Variants in HS6ST3 observed in about 807,000 individuals in gnomAD.
HS6ST3 encodes heparan sulfate 6-O-sulfotransferase 3.
HS6ST3 carries 12 observed loss-of-function variants against 36.7 expected under a neutral mutation model. That is an observed-to-expected ratio of 0.33 (90% CI 0.21 to 0.53). HS6ST3 has a LOEUF of 0.53. Among genes scored for constraint, HS6ST3 ranks in the 20% least tolerant of loss-of-function variants. The pLI is 0.95. For synonymous variants in HS6ST3, 240 were observed against 257.5 expected (o/e 0.93, Z 0.65); for missense variants, 584 against 640.9 (o/e 0.91, Z 0.96).
At chr13:96,211,128 C>T (rs2054397015) in intron 1 of HS6ST3, among the ~76,000 whole-genome samples, 1 of 152,156 alleles carries the variant, frequency 6.6e-6, no homozygotes, top group Admixed American at 6.6e-5. Flanking sequence ...GACGGGGTTT[C>T]ACCATGTTGG....
intron 1 of HS6ST3, among the ~76,000 whole-genome samples, chr13:96,351,320 CTTTT>C (rs11348541): frequency 0.36 from 50,861 of 142,928 alleles, 9,350 homozygotes; most frequent in African/African-American, 0.44. Context: ...AGGTGGCAGT[CTTTT>C]TTTTTTTTTT....
At chr13:96,643,815 G>T (rs2056578801) in intron 1 of HS6ST3, among the ~76,000 whole-genome samples, 1 of 151,832 alleles carries the variant, frequency 6.6e-6, no homozygotes, top group Non-Finnish European at 1.5e-5. Context: ...TTATGATTGT[G>T]GCCTGTTGGT....
chr13:96,739,210 G>A (rs1876369498), intron 1 of HS6ST3, among the ~76,000 whole-genome samples: 1 of 141,628 alleles, frequency 7.1e-6, no homozygotes, highest in African/African-American at 2.6e-5. Flanking sequence ...GTTCTCTATC[G>A]ACATTTGCTT....
At chr13:96,254,385 G>T (rs572607645) in intron 1 of HS6ST3, among the ~76,000 whole-genome samples, 133 of 122,758 alleles carry the variant, frequency 1.1e-3, no homozygotes, top group African/African-American at 4.0e-3. Flanking sequence ...CTGCACTCCA[G>T]CCTGGGCGAT....
At chr13:96,654,479 T>C (rs1190462641) in intron 1 of HS6ST3, among the ~76,000 whole-genome samples, 1 of 152,192 alleles carries the variant, frequency 6.6e-6, no homozygotes, top group Non-Finnish European at 1.5e-5. Flanking sequence ...CTTTCCCCAT[T>C]GCTTGTTTTT....
intron 1 of HS6ST3, among the ~76,000 whole-genome samples, chr13:96,694,483 A>G (rs187655154): frequency 6.6e-6 from 1 of 152,298 alleles, no homozygotes; most frequent in East Asian, 1.9e-4. Context: ...ATATGAATGC[A>G]TGTGTCTTTA....
At chr13:96,116,162 G>A (rs557252922) in intron 1 of HS6ST3, among the ~76,000 whole-genome samples, 33 of 152,254 alleles carry the variant, frequency 2.2e-4, no homozygotes, top group African/African-American at 7.2e-4. Context: ...GTCAGCTTCC[G>A]GGAACTCGGC....
intron 1 of HS6ST3, among the ~76,000 whole-genome samples, chr13:96,673,961 T>C (rs979410883): frequency 6.6e-6 from 1 of 152,170 alleles, no homozygotes; most frequent in Non-Finnish European, 1.5e-5. Context: ...AATGTCTGGA[T>C]ATTTGCTTAT....
chr13:96,552,094 T>C (rs2056221636), intron 1 of HS6ST3, among the ~76,000 whole-genome samples: 1 of 152,196 alleles, frequency 6.6e-6, no homozygotes, highest in South Asian at 2.1e-4. Context: ...GTTTATTGCA[T>C]GCATTAAAAA....
intron 1 of HS6ST3, among the ~76,000 whole-genome samples, chr13:96,176,650 C>A (rs2054213882): frequency 6.6e-6 from 1 of 152,080 alleles, no homozygotes; most frequent in South Asian, 2.1e-4. Flanking sequence ...AGGTGGCAAT[C>A]CACAAAATCC....
intron 1 of HS6ST3, among the ~76,000 whole-genome samples, chr13:96,541,003 A>C (rs564940772): frequency 5.9e-5 from 9 of 152,278 alleles, no homozygotes; most frequent in African/African-American, 2.2e-4. Context: ...GCTGGGAAGG[A>C]TACTAGAGGC....
At chr13:96,391,153 T>C (rs1242861392) in intron 1 of HS6ST3, among the ~76,000 whole-genome samples, 1 of 152,222 alleles carries the variant, frequency 6.6e-6, no homozygotes, top group Non-Finnish European at 1.5e-5. Flanking sequence ...ATCTTCAAGA[T>C]GCACTTCATT....
intron 1 of HS6ST3, among the ~76,000 whole-genome samples, chr13:96,133,595 G>A (rs1176796251): frequency 6.6e-6 from 1 of 151,662 alleles, no homozygotes; most frequent in Non-Finnish European, 1.5e-5. Flanking sequence ...GCTGATTTTT[G>A]TATTTTTAGT....
chr13:96,292,612 A>AGAGT (rs1391012923), intron 1 of HS6ST3, among the ~76,000 whole-genome samples: 1 of 95,826 alleles, frequency 1.0e-5, no homozygotes, highest in African/African-American at 5.5e-5. Context: ...AGCTAAATAA[A>AGAGT]CAGTAGGTTG....
At chr13:96,486,044 G>T (rs1361597276) in intron 1 of HS6ST3, among the ~76,000 whole-genome samples, 1 of 128,050 alleles carries the variant, frequency 7.8e-6, no homozygotes, top group Non-Finnish European at 1.5e-5. Context: ...GCCCCGGTGT[G>T]TGATGTTCCC....
intron 1 of HS6ST3, among the ~76,000 whole-genome samples, chr13:96,656,998 T>TGAGA (rs1179705458): frequency 0.034 from 3,322 of 98,250 alleles, 83 homozygotes; most frequent in South Asian, 0.047. Context: ...TGTGTGTGTG[T>TGAGA]GAGAGAGAGA....
At chr13:96,704,529 A>G (rs1875369058) in intron 1 of HS6ST3, among the ~76,000 whole-genome samples, 3 of 152,186 alleles carry the variant, frequency 2.0e-5, no homozygotes. Flanking sequence ...ATGTACATAG[A>G]AGCAGTATGT....
At chr13:96,472,199 A>G (rs2055843177) in intron 1 of HS6ST3, among the ~76,000 whole-genome samples, 1 of 152,342 alleles carries the variant, frequency 6.6e-6, no homozygotes, top group African/African-American at 2.4e-5. Context: ...GGGAACAAGA[A>G]CCCAATCTAC....
chr13:96,592,790 A>C (rs958832028), intron 1 of HS6ST3, among the ~76,000 whole-genome samples: 5 of 152,124 alleles, frequency 3.3e-5, no homozygotes, highest in Non-Finnish European at 7.4e-5. Context: ...TGCACTAAAA[A>C]GTCTGCTTCT....
Sources: gnomAD v4.1 joint callset for allele counts (sites outside exome capture counted in the v4.1 genomes callset) on GRCh38, gnomAD v4.1.1 for gene constraint, MANE v1.5 for transcripts, NCBI Gene and HGNC (gene_info 2026-07-23, HGNC 2026-07-21) for gene names.